Variants in DUS2 observed in about 807,000 individuals in gnomAD.
DUS2 encodes the protein tRNA-dihydrouridine(20) synthase [NAD(P)+]-like.
A neutral mutation model predicts 71.3 loss-of-function variants in DUS2; 52 were observed. That is an observed-to-expected ratio of 0.73 (90% CI 0.58 to 0.92). The LOEUF (loss-of-function observed/expected upper bound fraction) is 0.92, where lower values mean the gene tolerates loss of function less well. Among genes scored for constraint, DUS2 ranks in the 40% least tolerant of loss-of-function variants. The pLI, the probability that DUS2 is intolerant of heterozygous loss-of-function variation, is 0.00. For missense variants in DUS2, 558 were observed against 622.6 expected, an observed-to-expected ratio of 0.90 and a Z score of 1.10; for synonymous variants, 204 against 227.8, an observed-to-expected ratio of 0.90 and a Z score of 0.94.
intron 8 of DUS2, among the ~76,000 whole-genome samples, chr16:68,065,658 A>AACAG (rs2033995118): frequency 6.6e-6 from 1 of 151,966 alleles, no homozygotes; most frequent in Admixed American, 6.6e-5. Flanking sequence ...CAAACAAACA[A>AACAG]AAAGGAAACA....
intron 7 of DUS2, among the ~76,000 whole-genome samples, chr16:68,060,465 C>A (rs1164143857): frequency 6.6e-6 from 1 of 152,052 alleles, no homozygotes; most frequent in East Asian, 1.9e-4. Flanking sequence ...AGGCACACAC[C>A]TCCATGCTCG....
chr16:68,056,560 G>A (rs1192321126), intron 7 of DUS2, 136 bp downstream of exon 7: 7 of 663,664 alleles, frequency 1.1e-5, no homozygotes, highest in Admixed American at 5.3e-5. Context: ...GATATCGTTA[G>A]ATGAACTGAC....
chr16:68,071,308 G>C (rs1383791238), intron 12 of DUS2, among the ~76,000 whole-genome samples, 200 bp downstream of exon 12: 2 of 152,192 alleles, frequency 1.3e-5, no homozygotes, highest in Non-Finnish European at 2.9e-5. Flanking sequence ...ATGCTGGGGG[G>C]CATACCCCTA....
At chr16:68,035,919 T>C (rs373391543) in intron 2 of DUS2, among the ~76,000 whole-genome samples, 9 of 79,570 alleles carry the variant, frequency 1.1e-4, no homozygotes, top group South Asian at 1.1e-3. Context: ...TATATATATA[T>C]ATATATATAT....
At chr16:68,060,003 G>A (rs927101491) in intron 7 of DUS2, among the ~76,000 whole-genome samples, 3 of 152,150 alleles carry the variant, frequency 2.0e-5, no homozygotes, top group Admixed American at 2.0e-4. Context: ...CATGGGTCTG[G>A]GCTGGGACAT....
chr16:68,061,041 A>C (rs1003919992), intron 7 of DUS2, 25 bp from the exon 8 acceptor site: 3 of 1,613,066 alleles, frequency 1.9e-6, no homozygotes, highest in African/African-American at 2.7e-5. Flanking sequence ...AGATGTAAGA[A>C]GACCTTTTGT....
At position 68,053,583 on chromosome 16, in the gene DUS2, C is replaced by CTTGCG; in HGVS notation, c.194_195insGCGTT (p.Phe65LeufsTer41). 6.2e-7 allele frequency: 1 copy of CTTGCG among 1,614,226 alleles called. No homozygotes were observed. Among genetic ancestry groups the CTTGCG allele is most frequent in the Middle Eastern group, 1.6e-4 (1 of 6,062 alleles). On this transcript the variant is annotated frameshift_variant, in exon 5 of 17. Transcript: ENST00000565263. LOFTEE classifies it high-confidence loss of function. ...TTGCAGAGGTGCTCAGCACAGTGGA[C>CTTGCG]TTTGTCGCCCCTGATGATCGAGTTG...
At chr16:68,078,398 C>G (rs1209882618) in intron 15 of DUS2, 47 bp from the exon 16 acceptor site, 2 of 1,577,018 alleles carry the variant, frequency 1.3e-6, no homozygotes, top group Non-Finnish European at 1.7e-6. Flanking sequence ...GTTTGGCCTA[C>G]AGGGCTCATT....
At chr16:68,037,796 T>C (rs1176277449) in intron 2 of DUS2, 1 of 337,634 alleles carries the variant, frequency 3.0e-6, no homozygotes, top group African/African-American at 2.1e-5. Flanking sequence ...GTTACTTGGG[T>C]TGCAGTGAGC....
intron 15 of DUS2, 32 bp downstream of exon 15, chr16:68,076,751 C>G: frequency 6.4e-7 from 1 of 1,570,906 alleles, no homozygotes; most frequent in Non-Finnish European, 8.8e-7. Context: ...GCCCTGCAGC[C>G]AGTCACAGCA....
At position 68,079,007 on chromosome 16, in the gene DUS2, A is replaced by G. The variant is rs748481740; in HGVS notation, c.*21A>G. ...GGTGACTACTCTTCCTGCCTTAGTC[A>G]CCCCTCCATGGGCCTGGTGCTAAGG... On this transcript the variant is annotated 3_prime_UTR_variant, in exon 17 of 17. Transcript: ENST00000565263. The G allele has an allele frequency of 2.0e-6, 3 of 1,527,018 alleles. No homozygotes were observed. The highest frequency in any genetic ancestry group is 2.6e-6 in the Non-Finnish European group (3 of 1,132,844). The allele number at this position is 1,527,018 out of a possible 1,614,324, so 94.6% of individuals were successfully genotyped here.
At position 68,078,532 on chromosome 16, in the gene DUS2, T is replaced by C. The variant is rs1311312865; in HGVS notation, c.1244+14T>C. 3 of 1,612,822 alleles carry C rather than the reference T, an allele frequency of 1.9e-6. No homozygotes were observed. Among genetic ancestry groups the C allele is most frequent in the African/African-American group, 1.3e-5 (1 of 75,034 alleles). ...GTCTACCTTGTGGTAAGTTTCCTTA[T>C]CATAGGAGAGGAGGCTTGGGGTGGG... On this transcript the variant is annotated intron_variant, in intron 16 of 16. Transcript: ENST00000565263.
chr16:68,060,533 C>T (rs1224726982), intron 7 of DUS2, among the ~76,000 whole-genome samples: 1 of 152,114 alleles, frequency 6.6e-6, no homozygotes, highest in South Asian at 2.1e-4. Flanking sequence ...AGGCTGGTCT[C>T]GAACTCCTGA....
chr16:68,057,245 T>TAG (rs1400258689), intron 7 of DUS2, among the ~76,000 whole-genome samples: 42 of 143,406 alleles, frequency 2.9e-4, no homozygotes, highest in African/African-American at 1.0e-3. Flanking sequence ...CATATATATA[T>TAG]ATAGAGAGAG....
chr16:68,079,026 G>A lies in DUS2; in HGVS notation c.*40G>A, dbSNP rs1287771175. The A allele has an allele frequency of 6.7e-7, 1 of 1,486,102 alleles. No homozygotes were observed. Among genetic ancestry groups the A allele is most frequent in the Non-Finnish European group, 9.0e-7 (1 of 1,107,194 alleles). 92.1% of individuals were successfully genotyped at this position (1,486,102 alleles called of 1,614,324 possible). The stretch of plus-strand genomic sequence containing the variant: ...TTAGTCACCCCTCCATGGGCCTGGT[G>A]CTAAGGTGGCTGTGGATGCCACAGC... On this transcript the variant is annotated 3_prime_UTR_variant, in exon 17 of 17. Transcript: ENST00000565263.
intron 5 of DUS2, 139 bp from the exon 6 acceptor site, chr16:68,054,435 C>A: frequency 1.1e-6 from 1 of 891,814 alleles, no homozygotes; most frequent in Non-Finnish European, 1.8e-6. Flanking sequence ...AGTGGGCTGG[C>A]TGTTTAAGAG....
At chr16:68,058,419 G>A (rs2033892381) in intron 7 of DUS2, among the ~76,000 whole-genome samples, 2 of 151,950 alleles carry the variant, frequency 1.3e-5, no homozygotes, top group Admixed American at 1.3e-4. Context: ...GTAGAGACGG[G>A]GTTTTGCCAT....
At chr16:68,026,874 T>TG (rs2033358298) in intron 2 of DUS2, 1 of 87,948 alleles carries the variant, frequency 1.1e-5, no homozygotes, top group Non-Finnish European at 2.0e-5. Flanking sequence ...AGAGTCTATC[T>TG]GAAAAAAAAA....
intron 8 of DUS2, among the ~76,000 whole-genome samples, chr16:68,061,554 A>G (rs2033941025): frequency 6.6e-6 from 1 of 152,104 alleles, no homozygotes; most frequent in South Asian, 2.1e-4. Context: ...TATGTCCTGA[A>G]AGAGTCTACC....
Sources: allele counts gnomAD v4.1 joint callset (sites outside exome capture counted in the v4.1 genomes callset), GRCh38; gene constraint gnomAD v4.1.1; transcripts MANE v1.5; gene names NCBI Gene and HGNC (gene_info 2026-07-23, HGNC 2026-07-21).